Variants in SNX29 observed in about 807,000 individuals in gnomAD.
SNX29 encodes the protein sorting nexin-29.
SNX29 carries 78 observed loss-of-function variants against 102.1 expected under a neutral mutation model. The observed-to-expected ratio is 0.76, with a 90% confidence interval of 0.64 to 0.92. The LOEUF (loss-of-function observed/expected upper bound fraction) is 0.92, where lower values mean the gene tolerates loss of function less well. SNX29 is among the 40% of genes least tolerant of loss of function. SNX29 has a pLI of 0.00. For synonymous variants in SNX29, 580 were observed against 414.5 expected (o/e 1.40, Z -4.85); for missense variants, 1,280 against 1,061.7 (o/e 1.21, Z -2.86).
rs561231642 is a variant in SNX29, at chr16:11,976,923, C to G, written c.7+110C>G. 6.3e-5 allele frequency: 78 copies of G among 1,245,692 alleles called. No individual in the cohort carries two copies. In the South Asian group the frequency reaches 1.8e-3, roughly 29 times the overall value. 77.2% of individuals were successfully genotyped at this position (1,245,692 alleles called of 1,614,324 possible). On this transcript the variant is annotated intron_variant, in intron 1 of 20. Transcript: ENST00000566228. ...CGCGCCCCGCTCCCTCGCAGACCCCCTCCCAGTCGCTCCCTTTTCCAGACC... is the reference window on the plus strand; with the variant it reads ...CGCGCCCCGCTCCCTCGCAGACCCCGTCCCAGTCGCTCCCTTTTCCAGACC...
At chr16:12,556,680 T>C (rs1204418461) in intron 20 of SNX29, 1 of 152,180 alleles carries the variant, frequency 6.6e-6, no homozygotes, top group Admixed American at 6.6e-5. Flanking sequence ...GCAGTAGTCA[T>C]GTGTCTGGAG....
At chr16:12,532,488 G>C (rs79726490) in intron 20 of SNX29, among the ~76,000 whole-genome samples, 1 of 152,286 alleles carries the variant, frequency 6.6e-6, no homozygotes, top group East Asian at 1.9e-4. Flanking sequence ...CTATGATAAT[G>C]GATAAGTAGT....
intron 14 of SNX29, among the ~76,000 whole-genome samples, chr16:12,208,369 T>G (rs1847831619): frequency 6.6e-6 from 1 of 152,022 alleles, no homozygotes; most frequent in African/African-American, 2.4e-5. Flanking sequence ...CTCACTCATT[T>G]GTGTGGCTCT....
chr16:12,540,037 ATTTACT>A (rs2077257974), intron 20 of SNX29, among the ~76,000 whole-genome samples: 1 of 152,034 alleles, frequency 6.6e-6, no homozygotes, highest in South Asian at 2.1e-4. Flanking sequence ...TTTTGATGAA[ATTTACT>A]TTTTGTGTCC....
chr16:12,220,836 T>C (rs560843747), intron 14 of SNX29, among the ~76,000 whole-genome samples: 2 of 152,300 alleles, frequency 1.3e-5, no homozygotes, highest in African/African-American at 4.8e-5. Flanking sequence ...AACATATTCT[T>C]AGGCTGGCTA....
At position 12,475,877 on chromosome 16, in the gene SNX29, A is replaced by G. The variant is rs538464822; in HGVS notation, c.2038-1842A>G. Among the ~76,000 whole-genome samples the G allele has an allele frequency of 3.3e-5, 5 of 152,352 alleles. No individual in the cohort carries two copies. In the East Asian group the frequency reaches 9.7e-4, roughly 29 times the overall value. On this transcript the variant is annotated intron_variant, in intron 18 of 20. Transcript: ENST00000566228. ...GGCCAAAACAAATGAATGTGGCTGAATTTGGCCCATGGGCCATAGTTTGCC... is the reference window on the plus strand; with the variant it reads ...GGCCAAAACAAATGAATGTGGCTGAGTTTGGCCCATGGGCCATAGTTTGCC...
chr16:12,156,077 C>A (rs776564162), intron 13 of SNX29, among the ~76,000 whole-genome samples: 1 of 152,220 alleles, frequency 6.6e-6, no homozygotes, highest in Non-Finnish European at 1.5e-5. Flanking sequence ...CGCACACCCC[C>A]CCACATCTCC....
chr16:12,125,735 G>C (rs1181231029), intron 11 of SNX29, among the ~76,000 whole-genome samples: 1 of 147,554 alleles, frequency 6.8e-6, no homozygotes, highest in Non-Finnish European at 1.5e-5. Context: ...GGGACTGCAA[G>C]CATGAGCCAC....
At chr16:12,431,071 C>T (rs886407516) in intron 18 of SNX29, among the ~76,000 whole-genome samples, 35 of 152,230 alleles carry the variant, frequency 2.3e-4, no homozygotes, top group African/African-American at 7.0e-4. Flanking sequence ...AGGCTGGTCT[C>T]GAACTCCTGA....
At position 12,222,564 on chromosome 16, in the gene SNX29, G is replaced by T. The variant is rs919803032; in HGVS notation, c.1678+22881G>T. Among the ~76,000 whole-genome samples the T allele has an allele frequency of 2.6e-5, 4 of 152,110 alleles. No homozygotes were observed. In the East Asian group the frequency reaches 5.8e-4, roughly 22 times the overall value. On this transcript the variant is annotated intron_variant, in intron 14 of 20. Transcript: ENST00000566228. ...ATATCTGGGTGAAGCTTCACAGTTT[G>T]CAGAGTGCTGTCTTTTTTCTTTGAG...
In SNX29 at chr16:12,558,084, G is replaced by A. The variant is rs554998872; in HGVS notation, c.2319-10422G>A. Reference sequence around the variant, plus strand: ...CATGATTGTGCTCTGAACATCCCATGCAAAGTGGGGACGGGGCAACTGAGA... The same window carrying A: ...CATGATTGTGCTCTGAACATCCCATACAAAGTGGGGACGGGGCAACTGAGA... On this transcript the variant is annotated intron_variant, in intron 20 of 20. Transcript: ENST00000566228. Among the ~76,000 whole-genome samples, 4 of 152,228 alleles carry A rather than the reference G, an allele frequency of 2.6e-5. No individual in the cohort carries two copies. In the South Asian group the frequency reaches 8.3e-4, roughly 31 times the overall value.
At chr16:12,509,019 G>A (rs1034815810) in intron 19 of SNX29, among the ~76,000 whole-genome samples, 2 of 152,186 alleles carry the variant, frequency 1.3e-5, no homozygotes, top group Admixed American at 6.5e-5. Flanking sequence ...TCCAGCACAC[G>A]TTGGCTGGTG....
At chr16:12,513,602 T>A (rs1192923728) in intron 19 of SNX29, among the ~76,000 whole-genome samples, 2 of 152,310 alleles carry the variant, frequency 1.3e-5, no homozygotes, top group Admixed American at 1.3e-4. Flanking sequence ...TGTTCCAGCC[T>A]CTCAGCCACG....
At chr16:12,101,502 G>T (rs2053019339) in intron 11 of SNX29, among the ~76,000 whole-genome samples, 1 of 151,756 alleles carries the variant, frequency 6.6e-6, no homozygotes, top group Admixed American at 6.6e-5. Context: ...TCCTGCCTCA[G>T]CCTCCTGGGT....
At chr16:12,547,320 C>G (rs551411797) in intron 20 of SNX29, among the ~76,000 whole-genome samples, 2 of 152,210 alleles carry the variant, frequency 1.3e-5, no homozygotes, top group Non-Finnish European at 2.9e-5. Context: ...AGCCCAGGAA[C>G]AGAGAGGCCT....
chr16:12,084,343 A>G (rs1249868359), intron 11 of SNX29, among the ~76,000 whole-genome samples: 1 of 152,010 alleles, frequency 6.6e-6, no homozygotes, highest in Non-Finnish European at 1.5e-5. Context: ...GCAGGGTTTC[A>G]CCATGTTGGC....
chr16:12,301,621 C>A (rs543803233), intron 15 of SNX29, among the ~76,000 whole-genome samples: 1 of 152,346 alleles, frequency 6.6e-6, no homozygotes, highest in East Asian at 1.9e-4. Flanking sequence ...TCGATTACGT[C>A]GTTGTTGGCT....
In SNX29 at chr16:12,215,694, G is replaced by A. The variant is rs201372714; in HGVS notation, c.1678+16011G>A. Among the ~76,000 whole-genome samples the A allele has an allele frequency of 7.9e-5, 12 of 152,312 alleles. No individual in the cohort carries two copies. In the East Asian group the frequency reaches 2.3e-3, roughly 29 times the overall value. Reference sequence around the variant, plus strand: ...CTGGGAGGCATTTGAGGTACGTGCTGTACCCAGAATTCCTCAGCTTGCACA... The same window carrying A: ...CTGGGAGGCATTTGAGGTACGTGCTATACCCAGAATTCCTCAGCTTGCACA... On this transcript the variant is annotated intron_variant, in intron 14 of 20. Transcript: ENST00000566228.
intron 20 of SNX29, among the ~76,000 whole-genome samples, chr16:12,560,493 C>A (rs570666408): frequency 6.6e-6 from 1 of 152,280 alleles, no homozygotes; most frequent in Middle Eastern, 3.4e-3. Context: ...TCCTGCTTTT[C>A]TGGGCACGCC....
Sources: gnomAD v4.1 joint callset for allele counts (sites outside exome capture counted in the v4.1 genomes callset) on GRCh38, gnomAD v4.1.1 for gene constraint, MANE v1.5 for transcripts, NCBI Gene and HGNC (gene_info 2026-07-23, HGNC 2026-07-21) for gene names.